The following APBB1IP variants were observed in gnomAD, a reference collection of about 807,000 sequenced individuals.
APBB1IP encodes the protein amyloid beta A4 precursor protein-binding family B member 1-interacting protein.
APBB1IP carries 27 observed loss-of-function variants against 64.9 expected under a neutral mutation model. That is an observed-to-expected ratio of 0.42 (90% CI 0.31 to 0.57). The LOEUF (loss-of-function observed/expected upper bound fraction) is 0.57. Among genes scored for constraint, APBB1IP ranks in the 20% least tolerant of loss-of-function variants. The pLI is 0.20. For synonymous variants in APBB1IP, 392 were observed against 331.0 expected (o/e 1.18, Z -2.00); for missense variants, 812 against 845.5 (o/e 0.96, Z 0.49).
chr10:26,535,041 A>T (rs1416885158), intron 9 of APBB1IP, among the ~76,000 whole-genome samples: 1 of 152,192 alleles, frequency 6.6e-6, no homozygotes, highest in East Asian at 1.9e-4. Flanking sequence ...AAATGAGAGG[A>T]TGTTGAGAGT....
chr10:26,470,860 C>T (rs989678453), intron 2 of APBB1IP, among the ~76,000 whole-genome samples: 1 of 152,026 alleles, frequency 6.6e-6, no homozygotes, highest in Non-Finnish European at 1.5e-5. Flanking sequence ...TGTGTAATTG[C>T]CCATAATCTC....
At chr10:26,528,550 T>C (rs146834136) in intron 8 of APBB1IP, among the ~76,000 whole-genome samples, 44 of 152,322 alleles carry the variant, frequency 2.9e-4, no homozygotes, top group African/African-American at 9.6e-4. Context: ...TAGTCTCTTA[T>C]ATCTTCCCCA....
intron 6 of APBB1IP, among the ~76,000 whole-genome samples, chr10:26,510,775 C>A (rs1006221393): frequency 2.0e-5 from 3 of 148,560 alleles, no homozygotes; most frequent in African/African-American, 5.0e-5. Flanking sequence ...CACACACACA[C>A]AAATGAAAAT....
At chr10:26,458,938 T>C (rs1835557608) in intron 2 of APBB1IP, among the ~76,000 whole-genome samples, 1 of 152,128 alleles carries the variant, frequency 6.6e-6, no homozygotes, top group Admixed American at 6.5e-5. Flanking sequence ...TTTCTTTTCT[T>C]TTCTTTTATT....
intron 3 of APBB1IP, among the ~76,000 whole-genome samples, chr10:26,494,465 C>CA (rs2132432175): frequency 6.6e-6 from 1 of 152,234 alleles, no homozygotes; most frequent in Admixed American, 6.5e-5. Flanking sequence ...TAAGGATCTT[C>CA]AAAAGCTTTC....
chr10:26,508,583 G>T (rs547355204), intron 6 of APBB1IP, among the ~76,000 whole-genome samples: 5 of 151,852 alleles, frequency 3.3e-5, no homozygotes, highest in African/African-American at 1.2e-4. Context: ...TATTTAGCTT[G>T]CTAAATCACA....
At chr10:26,444,821 C>A (rs1183425050) in intron 2 of APBB1IP, among the ~76,000 whole-genome samples, 1 of 152,046 alleles carries the variant, frequency 6.6e-6, no homozygotes, top group East Asian at 1.9e-4. Context: ...GGGACATAGG[C>A]TGCGTGGTGG....
At chr10:26,552,580 C>T (rs893922559) in intron 11 of APBB1IP, among the ~76,000 whole-genome samples, 2 of 145,942 alleles carry the variant, frequency 1.4e-5, no homozygotes, top group Admixed American at 7.0e-5. Flanking sequence ...GCCTGGGCAA[C>T]AGAGCAAGAC....
chr10:26,474,190 G>A (rs1458915171), intron 2 of APBB1IP, among the ~76,000 whole-genome samples: 2 of 152,136 alleles, frequency 1.3e-5, no homozygotes, highest in Non-Finnish European at 2.9e-5. Context: ...CTTTCAGAGA[G>A]TGTATGAAGT....
intron 2 of APBB1IP, among the ~76,000 whole-genome samples, chr10:26,450,120 G>T (rs897308393): frequency 1.3e-5 from 2 of 152,178 alleles, no homozygotes; most frequent in African/African-American, 2.4e-5. Context: ...GGGCAAAGGG[G>T]GTTGTGTTAA....
intron 8 of APBB1IP, among the ~76,000 whole-genome samples, chr10:26,529,785 C>T (rs787056): frequency 0.46 from 70,102 of 151,864 alleles, 16,515 homozygotes; most frequent in East Asian, 0.69. Flanking sequence ...GGATTACAGG[C>T]GCCCACCACC....
intron 8 of APBB1IP, among the ~76,000 whole-genome samples, chr10:26,529,253 C>T (rs1199110391): frequency 2.0e-5 from 3 of 152,220 alleles, no homozygotes; most frequent in South Asian, 2.1e-4. Flanking sequence ...CAGAACAGCC[C>T]GCATTGAGTG....
In APBB1IP at chr10:26,513,663, A is replaced by G. The variant is rs1163080793; in HGVS notation, c.813+3A>G. ...ATGCTGTATTTAAAAACCCCCAGGT[A>G]AGATGATCTGCATATTGTTAAACCC... On this transcript the variant is annotated splice_donor_region_variant and intron_variant, in intron 8 of 14. Coordinates refer to ENST00000376236, the MANE Select transcript of APBB1IP (RefSeq NM_019043.4). 1 of 1,607,396 alleles carries G rather than the reference A, an allele frequency of 6.2e-7. No homozygotes were observed. Among genetic ancestry groups the G allele is most frequent in the Non-Finnish European group, 8.5e-7 (1 of 1,178,560 alleles).
intron 13 of APBB1IP, chr10:26,562,083 T>G (rs1364661427): frequency 2.5e-6 from 1 of 405,674 alleles, no homozygotes; most frequent in African/African-American, 2.0e-5. Context: ...CCTGATCTTT[T>G]TGCTGAATCT....
chr10:26,525,021 G>A (rs957087456), intron 8 of APBB1IP, among the ~76,000 whole-genome samples: 8 of 139,542 alleles, frequency 5.7e-5, no homozygotes. Flanking sequence ...AGGCACAGTG[G>A]CTCACACCTG....
chr10:26,444,792 G>T (rs188268625), intron 2 of APBB1IP, among the ~76,000 whole-genome samples: 352 of 152,228 alleles, frequency 2.3e-3, no homozygotes, highest in Non-Finnish European at 3.2e-3. Context: ...TTTGCCCAAG[G>T]CTACACAGTT....
chr10:26,451,078 C>T (rs1009147413), intron 2 of APBB1IP, among the ~76,000 whole-genome samples: 1 of 151,028 alleles, frequency 6.6e-6, no homozygotes, highest in South Asian at 2.1e-4. Flanking sequence ...ATACACAGGA[C>T]GTTGAGAGAC....
intron 14 of APBB1IP, among the ~76,000 whole-genome samples, 189 bp downstream of exon 14, chr10:26,562,618 C>T (rs755741340): frequency 5.9e-5 from 9 of 151,564 alleles, no homozygotes; most frequent in Admixed American, 1.3e-4. Flanking sequence ...GGCAATATAG[C>T]GAGAGCTTGT....
chr10:26,554,094 A>G (rs1405694594), intron 11 of APBB1IP, among the ~76,000 whole-genome samples: 1 of 152,212 alleles, frequency 6.6e-6, no homozygotes, highest in Non-Finnish European at 1.5e-5. Flanking sequence ...CCACACGTGC[A>G]GTAACCACAT....
Sources: allele counts gnomAD v4.1 joint callset (sites outside exome capture counted in the v4.1 genomes callset), GRCh38; gene constraint gnomAD v4.1.1; transcripts MANE v1.5; gene names NCBI Gene and HGNC (gene_info 2026-07-23, HGNC 2026-07-21).